IQSEC3: variants seen among roughly 807,000 people sequenced by gnomAD.
IQSEC3 encodes IQ motif and Sec7 domain ArfGEF 3, also known as IQ motif and SEC7 domain-containing protein 3.
Under a neutral mutation model 105.4 loss-of-function variants are expected in IQSEC3, and 50 were observed. That is an observed-to-expected ratio of 0.47 (90% CI 0.38 to 0.60). The LOEUF (loss-of-function observed/expected upper bound fraction) is 0.60, where lower values mean the gene tolerates loss of function less well. Among genes scored for constraint, IQSEC3 ranks in the 20% least tolerant of loss-of-function variants. The pLI is 0.00. For synonymous variants in IQSEC3, 708 were observed against 746.0 expected, an observed-to-expected ratio of 0.95 and a Z score of 0.83; for missense variants, 1,415 against 1,630.0, an observed-to-expected ratio of 0.87 and a Z score of 2.27.
intron 5 of IQSEC3, among the ~76,000 whole-genome samples, chr12:145,501 C>T (rs894082451): frequency 3.3e-5 from 5 of 152,178 alleles, no homozygotes; most frequent in Admixed American, 6.5e-5. Context: ...TCCCATTCCC[C>T]GCGCACAAGG....
At chr12:129,418 C>T (rs1297073414) in intron 3 of IQSEC3, among the ~76,000 whole-genome samples, 1 of 152,174 alleles carries the variant, frequency 6.6e-6, no homozygotes, top group African/African-American at 2.4e-5. Context: ...CTCCAGCTTC[C>T]TGTTCTCCCT....
intron 5 of IQSEC3, chr12:142,738 A>G (rs1395806087): frequency 1.3e-5 from 2 of 152,200 alleles, no homozygotes; most frequent in South Asian, 2.1e-4. Flanking sequence ...GTGGGGGCCC[A>G]TGGAGGTGCT....
chr12:125,995 C>T (rs1417505788), intron 3 of IQSEC3, 83 bp downstream of exon 3: 90 of 1,342,240 alleles, frequency 6.7e-5, no homozygotes, highest in East Asian at 3.3e-4. Context: ...GGGATATCCC[C>T]GCTGGGTCCC....
At chr12:132,168 G>C (rs1236808300) in intron 3 of IQSEC3, among the ~76,000 whole-genome samples, 14 of 152,250 alleles carry the variant, frequency 9.2e-5, no homozygotes, top group African/African-American at 3.4e-4. Flanking sequence ...TCGAAGAAGA[G>C]GACATTTCTA....
chr12:128,075 T>TC (rs1865474376), intron 3 of IQSEC3, among the ~76,000 whole-genome samples: 2 of 152,138 alleles, frequency 1.3e-5, no homozygotes, highest in African/African-American at 2.4e-5. Context: ...AAGTTTCCGC[T>TC]CCCCTCCACA....
chr12:72,575 A>G (rs734098), intron 1 of IQSEC3, among the ~76,000 whole-genome samples: 44,258 of 109,742 alleles, frequency 0.4, 5,342 homozygotes, highest in South Asian at 0.56. Context: ...GCAGACTCTC[A>G]GAGGTGAGGC....
chr12:107,436 G>A (rs1333652434), intron 2 of IQSEC3, among the ~76,000 whole-genome samples: 3 of 125,370 alleles, frequency 2.4e-5, no homozygotes, highest in Non-Finnish European at 3.2e-5. Context: ...TTGAGACGGA[G>A]TCTTGCTCTG....
At chr12:107,786 G>T (rs1396702672) in intron 2 of IQSEC3, among the ~76,000 whole-genome samples, 7 of 152,152 alleles carry the variant, frequency 4.6e-5, no homozygotes, top group Admixed American at 2.6e-4. Flanking sequence ...TTTAACAAGG[G>T]TGTAGATCCC....
At chr12:99,343 C>A in intron 2 of IQSEC3, 129 bp downstream of exon 2, 1 of 827,344 alleles carries the variant, frequency 1.2e-6, no homozygotes, top group Non-Finnish European at 1.9e-6. Flanking sequence ...TGTTTGCTTT[C>A]ACCTCCTTCC....
chr12:162,453 A>T (rs117472665), intron 8 of IQSEC3, among the ~76,000 whole-genome samples: 4,294 of 147,816 alleles, frequency 0.029, 98 homozygotes, highest in Non-Finnish European at 0.042. Flanking sequence ...AGGCTGTGGC[A>T]TCACCATAGA....
chr12:168,413 G>A (rs531392543), intron 11 of IQSEC3, among the ~76,000 whole-genome samples: 46 of 152,218 alleles, frequency 3.0e-4, no homozygotes, highest in Non-Finnish European at 5.9e-4. Context: ...GGCAGGCTCC[G>A]TCCTCCCAGG....
At chr12:164,959 G>T (rs1382729019) in intron 9 of IQSEC3, among the ~76,000 whole-genome samples, 2 of 152,140 alleles carry the variant, frequency 1.3e-5, no homozygotes, top group South Asian at 4.1e-4. Flanking sequence ...GCTTGCTTTG[G>T]TTTGTTTTTT....
chr12:75,376 G>A (rs1206817137), intron 1 of IQSEC3, among the ~76,000 whole-genome samples: 2 of 152,192 alleles, frequency 1.3e-5, no homozygotes, highest in Non-Finnish European at 2.9e-5. Context: ...CTCTGGTAAG[G>A]AAAGGGGAGG....
intron 1 of IQSEC3, among the ~76,000 whole-genome samples, chr12:67,640 C>CA (rs1405630780): frequency 2.1e-5 from 3 of 144,754 alleles, no homozygotes; most frequent in Non-Finnish European, 2.9e-5. Flanking sequence ...AATGCTGGAG[C>CA]AAAAAGGAGT....
intron 8 of IQSEC3, 53 bp downstream of exon 8, chr12:162,118 G>A: frequency 6.3e-7 from 1 of 1,593,100 alleles, no homozygotes; most frequent in African/African-American, 1.3e-5. Context: ...CTTTCTTCCT[G>A]GCATCTCTTC....
intron 1 of IQSEC3, among the ~76,000 whole-genome samples, chr12:95,723 A>G (rs1186926243): frequency 6.6e-6 from 1 of 152,196 alleles, no homozygotes; most frequent in Non-Finnish European, 1.5e-5. Flanking sequence ...ATCACTCTTT[A>G]TATATTTCTC....
chr12:99,090 A>G, intron 1 of IQSEC3, 56 bp from the exon 2 acceptor site: 2 of 1,485,198 alleles, frequency 1.3e-6, no homozygotes, highest in Non-Finnish European at 1.8e-6. Flanking sequence ...AGTGTCAGGC[A>G]GGGCGGGGAC....
intron 2 of IQSEC3, among the ~76,000 whole-genome samples, chr12:123,224 G>A (rs1194013155): frequency 3.9e-5 from 6 of 152,136 alleles, no homozygotes; most frequent in Non-Finnish European, 8.8e-5. Context: ...GGGCAACATA[G>A]TGGGACCCTG....
intron 1 of IQSEC3, among the ~76,000 whole-genome samples, chr12:73,578 G>A (rs1863409432): frequency 6.6e-6 from 1 of 152,192 alleles, no homozygotes; most frequent in Non-Finnish European, 1.5e-5. Flanking sequence ...GCTGAGGCAG[G>A]AGAATCACTT....
Sources: allele counts gnomAD v4.1 joint callset (sites outside exome capture counted in the v4.1 genomes callset), GRCh38; gene constraint gnomAD v4.1.1; transcripts MANE v1.5; gene names NCBI Gene and HGNC (gene_info 2026-07-23, HGNC 2026-07-21).